SGCZ: variants seen among roughly 807,000 people sequenced by gnomAD.
SGCZ encodes the protein sarcoglycan zeta, also known as zeta-sarcoglycan.
A neutral mutation model predicts 41.3 loss-of-function variants in SGCZ; 40 were observed. The ratio of observed to expected loss-of-function variants is 0.97; its 90% CI spans 0.75 to 1.26. SGCZ has a LOEUF of 1.26. SGCZ is among the 50% of genes most tolerant of loss of function. The pLI is 0.00. For missense variants in SGCZ, 552 were observed against 369.8 expected (o/e 1.49, Z -4.04); for synonymous variants, 206 against 137.5 (o/e 1.50, Z -3.49).
intron 1 of SGCZ, among the ~76,000 whole-genome samples, chr8:14,943,291 A>T (rs6994172): frequency 4.6e-5 from 7 of 152,184 alleles, no homozygotes; most frequent in African/African-American, 1.4e-4. Flanking sequence ...TAATTATTTT[A>T]TCCTTCTACC....
intron 5 of SGCZ, among the ~76,000 whole-genome samples, chr8:14,130,165 GA>G (rs1802994360): frequency 6.6e-6 from 1 of 151,948 alleles, no homozygotes; most frequent in Non-Finnish European, 1.5e-5. Context: ...AAATTAAAAA[GA>G]AACTCACAAA....
intron 2 of SGCZ, among the ~76,000 whole-genome samples, chr8:14,470,055 G>C (rs969575155): frequency 2.0e-5 from 3 of 152,114 alleles, no homozygotes; most frequent in Admixed American, 6.5e-5. Context: ...CTGGACTGAT[G>C]TCTGGCATCT....
At chr8:15,075,957 T>C (rs1021760232) in intron 1 of SGCZ, among the ~76,000 whole-genome samples, 1 of 151,946 alleles carries the variant, frequency 6.6e-6, no homozygotes, top group Non-Finnish European at 1.5e-5. Context: ...TTTTATGGAA[T>C]TACCAAGTAT....
At chr8:14,577,560 G>C (rs1412328817) in intron 1 of SGCZ, among the ~76,000 whole-genome samples, 3 of 151,830 alleles carry the variant, frequency 2.0e-5, no homozygotes, top group African/African-American at 7.3e-5. Context: ...GCTAACTTTT[G>C]TAGTTTTAGT....
intron 4 of SGCZ, among the ~76,000 whole-genome samples, chr8:14,233,384 G>A (rs1806641405): frequency 6.6e-6 from 1 of 151,306 alleles, no homozygotes; most frequent in South Asian, 2.1e-4. Context: ...ACTTATAAAT[G>A]TAGTTTAAAA....
intron 1 of SGCZ, among the ~76,000 whole-genome samples, chr8:15,210,432 C>G (rs945615798): frequency 3.3e-5 from 5 of 152,170 alleles, no homozygotes; most frequent in Admixed American, 2.6e-4. Flanking sequence ...CAATTTCCCA[C>G]TGTGTCCTTT....
intron 2 of SGCZ, among the ~76,000 whole-genome samples, chr8:14,365,811 G>C (rs558851612): frequency 6.6e-6 from 1 of 152,068 alleles, no homozygotes; most frequent in African/African-American, 2.4e-5. Context: ...ATTGGGATAA[G>C]GCTGTTAATA....
At chr8:14,369,260 T>G (rs1223462422) in intron 2 of SGCZ, among the ~76,000 whole-genome samples, 2 of 152,044 alleles carry the variant, frequency 1.3e-5, no homozygotes, top group African/African-American at 4.8e-5. Context: ...ACATTGCATT[T>G]AATTGCCATG....
chr8:14,464,193 T>C (rs1295984841), intron 2 of SGCZ, among the ~76,000 whole-genome samples: 2 of 151,640 alleles, frequency 1.3e-5, no homozygotes, highest in Non-Finnish European at 3.0e-5. Flanking sequence ...AGAATTGATG[T>C]TAGTTATTCT....
chr8:14,226,797 G>A (rs1029530927), intron 4 of SGCZ, among the ~76,000 whole-genome samples: 1 of 152,086 alleles, frequency 6.6e-6, no homozygotes, highest in African/African-American at 2.4e-5. Flanking sequence ...TTAGAAAGGT[G>A]TAATGTTTTG....
intron 1 of SGCZ, among the ~76,000 whole-genome samples, chr8:15,040,147 A>G (rs992373782): frequency 9.2e-5 from 14 of 152,234 alleles, no homozygotes; most frequent in African/African-American, 3.4e-4. Context: ...AGGTACATGG[A>G]GAGATCTAAT....
chr8:14,143,737 A>C (rs1284890079), intron 5 of SGCZ, among the ~76,000 whole-genome samples: 1 of 152,132 alleles, frequency 6.6e-6, no homozygotes, highest in African/African-American at 2.4e-5. Flanking sequence ...ATGAAGAGAT[A>C]AAGAGCCCTA....
At chr8:15,049,293 G>C (rs1264025415) in intron 1 of SGCZ, among the ~76,000 whole-genome samples, 1 of 152,034 alleles carries the variant, frequency 6.6e-6, no homozygotes, top group Non-Finnish European at 1.5e-5. Flanking sequence ...TATATACAAA[G>C]GCCTTTCTTT....
At chr8:14,830,727 T>C (rs1048616566) in intron 1 of SGCZ, among the ~76,000 whole-genome samples, 4 of 152,208 alleles carry the variant, frequency 2.6e-5, no homozygotes, top group Non-Finnish European at 5.9e-5. Flanking sequence ...TCCCAGTTGG[T>C]TATATTACAA....
chr8:14,982,687 A>C (rs563888297), intron 1 of SGCZ, among the ~76,000 whole-genome samples: 1 of 152,340 alleles, frequency 6.6e-6, no homozygotes, highest in African/African-American at 2.4e-5. Flanking sequence ...TTACATTGTA[A>C]GTGGTCAAAT....
intron 1 of SGCZ, among the ~76,000 whole-genome samples, chr8:14,565,001 T>G (rs1397056797): frequency 6.6e-6 from 1 of 152,102 alleles, no homozygotes; most frequent in Non-Finnish European, 1.5e-5. Flanking sequence ...TAGTCAGGTT[T>G]TGCAGCACGG....
At chr8:14,712,843 G>A (rs1809565675) in intron 1 of SGCZ, among the ~76,000 whole-genome samples, 1 of 151,910 alleles carries the variant, frequency 6.6e-6, no homozygotes, top group Non-Finnish European at 1.5e-5. Flanking sequence ...GAGTCACTGG[G>A]TTTTCTATTG....
At chr8:14,756,134 G>T (rs542158632) in intron 1 of SGCZ, among the ~76,000 whole-genome samples, 1 of 152,058 alleles carries the variant, frequency 6.6e-6, no homozygotes, top group East Asian at 1.9e-4. Context: ...GGATAGGCTG[G>T]GTTATGACAG....
At chr8:14,309,458 GA>G in intron 3 of SGCZ, 2 of 1,605,936 alleles carry the variant, frequency 1.2e-6, no homozygotes, top group South Asian at 2.2e-5. Flanking sequence ...TGACTGCAGT[GA>G]TGATGTATGT....
Sources: gnomAD v4.1 joint callset for allele counts (sites outside exome capture counted in the v4.1 genomes callset) on GRCh38, gnomAD v4.1.1 for gene constraint, MANE v1.5 for transcripts, NCBI Gene and HGNC (gene_info 2026-07-23, HGNC 2026-07-21) for gene names.